Variants in OPCML observed in about 807,000 individuals in gnomAD.
The protein encoded by OPCML is opioid binding protein/cell adhesion molecule like.
Under a neutral mutation model 37.8 loss-of-function variants are expected in OPCML, and 13 were observed. The ratio of observed to expected loss-of-function variants is 0.34; its 90% CI spans 0.22 to 0.55. The LOEUF (loss-of-function observed/expected upper bound fraction) is 0.55, where lower values mean the gene tolerates loss of function less well. Ranked by LOEUF, OPCML falls within the 20% of genes least tolerant of loss-of-function variation. The pLI is 0.91. For missense variants in OPCML, 341 were observed against 435.6 expected (o/e 0.78, Z 1.93); for synonymous variants, 176 against 168.8 (o/e 1.04, Z -0.33).
At position 133,100,910 on chromosome 11, in the gene OPCML, GTTATTTTTATT is replaced by G. The variant is rs1331977320; in HGVS notation, c.62-157911_62-157901del. ...TAGATGACCTTGGATACAACAATGT[GTTATTTTTATT>G]TTATTTTTATTTATTTCTTTTTGAA... is the stretch of plus-strand genomic sequence containing the variant. On this transcript the variant is annotated intron_variant, in intron 1 of 7. Transcript: ENST00000524381. Among the ~76,000 whole-genome samples, 5 of 152,188 alleles carry G rather than the reference GTTATTTTTATT, an allele frequency of 3.3e-5. No homozygotes were observed. The East Asian group carries it at 5.8e-4, about 18-fold the overall frequency.
chr11:133,030,975 T>C (rs1947656256), intron 1 of OPCML, among the ~76,000 whole-genome samples: 1 of 152,204 alleles, frequency 6.6e-6, no homozygotes, highest in Admixed American at 6.5e-5. Flanking sequence ...AATGTGTTTT[T>C]ACTGTTTCTT....
intron 1 of OPCML, among the ~76,000 whole-genome samples, chr11:133,255,089 C>T (rs576102294): frequency 2.0e-5 from 3 of 152,124 alleles, no homozygotes; most frequent in Non-Finnish European, 2.9e-5. Flanking sequence ...TAATAAAATA[C>T]AAGGAGTTGC....
intron 2 of OPCML, among the ~76,000 whole-genome samples, chr11:132,941,854 G>A (rs1024609727): frequency 6.6e-6 from 1 of 152,184 alleles, no homozygotes; most frequent in Non-Finnish European, 1.5e-5. Flanking sequence ...CCTCCTCCAG[G>A]GAGAGGCTTG....
At chr11:132,662,943 T>C (rs1166417637) in intron 2 of OPCML, among the ~76,000 whole-genome samples, 3 of 152,236 alleles carry the variant, frequency 2.0e-5, no homozygotes, top group Admixed American at 2.0e-4. Context: ...ATTGATATTT[T>C]GATAAACTGA....
At chr11:132,996,394 CA>C (rs1199202061) in intron 1 of OPCML, among the ~76,000 whole-genome samples, 1 of 150,364 alleles carries the variant, frequency 6.7e-6, no homozygotes, top group Non-Finnish European at 1.5e-5. Flanking sequence ...CCGAGATGGG[CA>C]GATCTGAAGT....
At chr11:132,497,425 A>C (rs1315973386) in intron 4 of OPCML, among the ~76,000 whole-genome samples, 1 of 151,994 alleles carries the variant, frequency 6.6e-6, no homozygotes, top group African/African-American at 2.4e-5. Context: ...ACAAAAAAAA[A>C]AAAAAGAAAA....
At position 133,404,284 on chromosome 11, in the gene OPCML, A is replaced by G. The variant is rs138467340; in HGVS notation, c.61+127980T>C. On this transcript the variant is annotated intron_variant, in intron 1 of 7. Transcript: ENST00000524381. Reference sequence around the variant, plus strand: ...TAAGGTATGGTCTCATCTTAACTTGATTACCTCTCCCAAGATTTTATTTCC... The same window carrying G: ...TAAGGTATGGTCTCATCTTAACTTGGTTACCTCTCCCAAGATTTTATTTCC... Among the ~76,000 whole-genome samples, 12 of 152,354 alleles carry G rather than the reference A, an allele frequency of 7.9e-5. No homozygotes were observed. In the East Asian group the frequency reaches 2.3e-3, roughly 29 times the overall value.
intron 2 of OPCML, among the ~76,000 whole-genome samples, chr11:132,875,344 T>C (rs1340972729): frequency 2.0e-5 from 3 of 152,176 alleles, no homozygotes; most frequent in Non-Finnish European, 4.4e-5. Context: ...ATCAAAATTA[T>C]AAATTGTTAT....
rs569511855 is a variant in OPCML, at chr11:133,394,737, C to T, written c.61+137527G>A. 8.5e-5 allele frequency among the ~76,000 whole-genome samples: 13 copies of T among 152,294 alleles called. No individual in the cohort carries two copies. The South Asian group carries it at 2.5e-3, about 29-fold the overall frequency. On this transcript the variant is annotated intron_variant, in intron 1 of 7. Transcript: ENST00000524381. ...TCCATGCTATTGCAAATGACAGCTT[C>T]ATTGTGTATATGTACTACATTTTCT...
At chr11:133,213,460 C>G (rs904687765) in intron 1 of OPCML, among the ~76,000 whole-genome samples, 4 of 152,138 alleles carry the variant, frequency 2.6e-5, no homozygotes, top group African/African-American at 7.2e-5. Context: ...AGCATTATTT[C>G]AAGTGTGACT....
chr11:133,410,274 C>T (rs1945617107), intron 1 of OPCML, among the ~76,000 whole-genome samples: 1 of 152,154 alleles, frequency 6.6e-6, no homozygotes, highest in South Asian at 2.1e-4. Context: ...CAAGATTCCA[C>T]TCCTATCTCC....
chr11:132,424,260 C>T (rs1038250260), intron 7 of OPCML, among the ~76,000 whole-genome samples: 1 of 152,002 alleles, frequency 6.6e-6, no homozygotes, highest in Non-Finnish European at 1.5e-5. Flanking sequence ...GCTGGGACTA[C>T]AGACGCCTGC....
chr11:132,911,657 C>T lies in OPCML; in HGVS notation c.146+31269G>A, dbSNP rs554529698. Among the ~76,000 whole-genome samples the T allele has an allele frequency of 2.0e-5, 3 of 152,290 alleles. No individual in the cohort carries two copies. The South Asian group carries it at 6.2e-4, about 32-fold the overall frequency. Reference sequence around the variant, plus strand: ...CTTGGCATCACATGCACTGAGGGGACCCTTCTCCTCTGTCCTCACACTCCA... The same window carrying T: ...CTTGGCATCACATGCACTGAGGGGATCCTTCTCCTCTGTCCTCACACTCCA... On this transcript the variant is annotated intron_variant, in intron 2 of 7. Coordinates refer to ENST00000524381, the MANE Select transcript of OPCML (RefSeq NM_001012393.5).
intron 4 of OPCML, among the ~76,000 whole-genome samples, chr11:132,457,175 C>T (rs541262838): frequency 6.6e-5 from 10 of 152,228 alleles, no homozygotes; most frequent in East Asian, 5.8e-4. Context: ...TACCGTGTCA[C>T]GAAGCACAGA....
chr11:133,424,882 C>G (rs1002752802), intron 1 of OPCML, among the ~76,000 whole-genome samples: 4 of 152,166 alleles, frequency 2.6e-5, no homozygotes, highest in Non-Finnish European at 4.4e-5. Context: ...CAATCCACAC[C>G]ATAATCTCCC....
At chr11:133,018,550 T>A (rs1341915169) in intron 1 of OPCML, among the ~76,000 whole-genome samples, 1 of 152,146 alleles carries the variant, frequency 6.6e-6, no homozygotes, top group Non-Finnish European at 1.5e-5. Context: ...TCCGACCCCC[T>A]TTTGAAGCCA....
Position 133,482,925 on chromosome 11 carries a change from T to C in OPCML, c.61+49339A>G, listed in dbSNP as rs575868752. On this transcript the variant is annotated intron_variant, in intron 1 of 7. Transcript: ENST00000524381. ...CAAAAAATATATACATTTGATCACA[T>C]TGAAATTAAAAATTCACTTCAACAG... is the stretch of plus-strand genomic sequence containing the variant. 8.2e-4 allele frequency among the ~76,000 whole-genome samples: 125 copies of C among 152,204 alleles called. 2 individuals are homozygous for C. The South Asian group carries it at 0.012, about 15-fold the overall frequency.
intron 2 of OPCML, among the ~76,000 whole-genome samples, chr11:132,923,106 A>G (rs1944868016): frequency 6.7e-6 from 1 of 148,330 alleles, no homozygotes; most frequent in Non-Finnish European, 1.5e-5. Context: ...AATAATAATA[A>G]TAATAATATG....
At chr11:132,450,052 T>C (rs567495762) in intron 4 of OPCML, among the ~76,000 whole-genome samples, 1 of 152,214 alleles carries the variant, frequency 6.6e-6, no homozygotes, top group Admixed American at 6.5e-5. Flanking sequence ...GAGCATGCTG[T>C]GATGTGACAT....
Sources: gnomAD v4.1 joint callset for allele counts (sites outside exome capture counted in the v4.1 genomes callset) on GRCh38, gnomAD v4.1.1 for gene constraint, MANE v1.5 for transcripts, NCBI Gene and HGNC (gene_info 2026-07-23, HGNC 2026-07-21) for gene names.